The following KLHL29 variants were observed in gnomAD, a reference collection of about 807,000 sequenced individuals.
KLHL29 encodes the protein kelch-like protein 29.
In KLHL29, 21 loss-of-function variants were observed where a neutral mutation model predicts 80.4. That is an observed-to-expected ratio of 0.26 (90% CI 0.19 to 0.38). The LOEUF (loss-of-function observed/expected upper bound fraction) is 0.38, where lower values mean the gene tolerates loss of function less well. Ranked by LOEUF, KLHL29 falls within the 10% of genes least tolerant of loss-of-function variation. KLHL29 has a pLI of 1.00. For synonymous variants in KLHL29, 511 were observed against 526.8 expected, an observed-to-expected ratio of 0.97 and a Z score of 0.41; for missense variants, 867 against 1,223.9, an observed-to-expected ratio of 0.71 and a Z score of 4.35.
At chr2:23,567,625 G>A (rs968661740) in intron 3 of KLHL29, among the ~76,000 whole-genome samples, 1 of 152,220 alleles carries the variant, frequency 6.6e-6, no homozygotes, top group African/African-American at 2.4e-5. Flanking sequence ...TGGGATTTCC[G>A]TGGGGATCAT....
At chr2:23,497,691 C>T (rs913140685) in intron 2 of KLHL29, among the ~76,000 whole-genome samples, 2 of 152,174 alleles carry the variant, frequency 1.3e-5, no homozygotes, top group African/African-American at 4.8e-5. Context: ...GGAATATAGC[C>T]TTAAGCTCTT....
chr2:23,627,910 C>CT lies in KLHL29; in HGVS notation c.286-11215dup, dbSNP rs10624746. 3.6e-4 allele frequency among the ~76,000 whole-genome samples: 43 copies of CT among 120,662 alleles called. 1 individual carries two copies. The highest frequency in any genetic ancestry group is 4.2e-4 in the Non-Finnish European group (26 of 61,536). The allele number at this position is 120,662 out of a possible 152,430, so 79.2% of individuals were successfully genotyped here. A position where few individuals can be genotyped will look rare whatever the true frequency, so the allele number is the denominator to read the frequency against. ...GACTAGAAAGGAGGAGGCCAGGAGT[C>CT]TTTTTTTTTTTTTTGAGATGGAGTC... On this transcript the variant is annotated intron_variant, in intron 3 of 13. Coordinates refer to ENST00000486442, the MANE Select transcript of KLHL29 (RefSeq NM_052920.2).
At chr2:23,408,989 G>C (rs930229029) in intron 1 of KLHL29, among the ~76,000 whole-genome samples, 1 of 152,098 alleles carries the variant, frequency 6.6e-6, no homozygotes. Flanking sequence ...CTGCCTTGTT[G>C]GGGGGTGTGT....
chr2:23,597,305 ATATATGTGTG>A (rs1668435077), intron 3 of KLHL29, among the ~76,000 whole-genome samples: 4 of 97,610 alleles, frequency 4.1e-5, no homozygotes, highest in Non-Finnish European at 5.8e-5. Context: ...TCATATATAT[ATATATGTGTG>A]TGTGTGTGTG....
intron 2 of KLHL29, among the ~76,000 whole-genome samples, chr2:23,505,740 G>A (rs903356789): frequency 3.9e-5 from 6 of 152,360 alleles, no homozygotes; most frequent in Non-Finnish European, 8.8e-5. Flanking sequence ...GAAGGAACAT[G>A]CTCAAAAGGC....
intron 1 of KLHL29, among the ~76,000 whole-genome samples, chr2:23,450,113 G>A (rs939057027): frequency 1.1e-4 from 16 of 152,014 alleles, no homozygotes; most frequent in South Asian, 8.3e-4. Context: ...GACAAATACC[G>A]GGGAAAACAA....
chr2:23,695,913 A>G lies in KLHL29; in HGVS notation c.1742-38A>G, dbSNP rs1323214295. On this transcript the variant is annotated intron_variant, in intron 9 of 13. Coordinates refer to ENST00000486442, the MANE Select transcript of KLHL29 (RefSeq NM_052920.2). The surrounding 1 kb of genome is among the most constrained non-coding windows in gnomAD (Gnocchi z 7.6). ...GCCAGGCACAGATGCCGACAGTCTT[A>G]GAGTGTGTCCCAAGGGCGCCCATCC... 1.9e-6 allele frequency: 3 copies of G among 1,545,466 alleles called. No homozygotes were observed. The highest frequency in any genetic ancestry group is 2.0e-5 in the Admixed American group (1 of 50,786).
chr2:23,475,935 A>C (rs1489884505), intron 2 of KLHL29, among the ~76,000 whole-genome samples: 2 of 152,248 alleles, frequency 1.3e-5, no homozygotes, highest in African/African-American at 2.4e-5. Flanking sequence ...GCTGGAGCGC[A>C]GTGGCGCAAT....
At chr2:23,406,342 A>G (rs1216303680) in intron 1 of KLHL29, among the ~76,000 whole-genome samples, 3 of 143,022 alleles carry the variant, frequency 2.1e-5, no homozygotes, top group East Asian at 4.0e-4. Context: ...AAAAAAAAAA[A>G]AGAAAAGAAA....
chr2:23,684,466 A>C lies in KLHL29; in HGVS notation c.1008A>C (p.Glu336Asp). Residue 336 changes from glutamate to aspartate, a missense_variant, in exon 6 of 14, where the codon GAA becomes GAC. Transcript: ENST00000486442. The surrounding 1 kb of genome is among the most constrained non-coding windows in gnomAD (Gnocchi z 4.4). ...KAFTDLKIVV[E>D]GREFEVHQNV... ...TTACAGACCTGAAAATTGTTGTTGA[A>C]GGCAGAGAGTTTGAAGTCCACCAAA... 1 of 1,551,004 alleles carries C rather than the reference A, an allele frequency of 6.4e-7. No individual in the cohort carries two copies. Among genetic ancestry groups the C allele is most frequent in the Non-Finnish European group, 8.7e-7 (1 of 1,146,738 alleles).
chr2:23,403,384 T>G (rs1233237407), intron 1 of KLHL29, among the ~76,000 whole-genome samples: 1 of 152,162 alleles, frequency 6.6e-6, no homozygotes, highest in Non-Finnish European at 1.5e-5. Context: ...TAATCCCATA[T>G]AAAAATGTCC....
chr2:23,641,742 G>T (rs566136302), intron 4 of KLHL29, among the ~76,000 whole-genome samples: 9 of 152,330 alleles, frequency 5.9e-5, no homozygotes, highest in African/African-American at 2.2e-4. Context: ...CCAGCACTTT[G>T]GGAAGCTGAG....
chr2:23,500,272 C>T (rs184624321), intron 2 of KLHL29, among the ~76,000 whole-genome samples: 2 of 152,256 alleles, frequency 1.3e-5, no homozygotes, highest in East Asian at 1.9e-4. Context: ...GACTTGACTG[C>T]GCCTTGAGAT....
At chr2:23,643,037 G>C in intron 5 of KLHL29, 187 bp downstream of exon 5, 1 of 761,858 alleles carries the variant, frequency 1.3e-6, no homozygotes, top group Non-Finnish European at 2.3e-6. Flanking sequence ...GGAGGGGGAA[G>C]GTGTGGAGGG....
intron 5 of KLHL29, among the ~76,000 whole-genome samples, chr2:23,679,616 A>G (rs1489076209): frequency 6.6e-6 from 1 of 152,210 alleles, no homozygotes; most frequent in Non-Finnish European, 1.5e-5. Context: ...CACCAGATAT[A>G]TATATATGTA....
intron 5 of KLHL29, among the ~76,000 whole-genome samples, chr2:23,656,465 G>A (rs1326935258): frequency 6.6e-6 from 1 of 152,224 alleles, no homozygotes; most frequent in East Asian, 1.9e-4. Flanking sequence ...TTGCTGCCAC[G>A]CAGAGTCAGA....
At chr2:23,677,093 C>T (rs962390858) in intron 5 of KLHL29, among the ~76,000 whole-genome samples, 2 of 152,102 alleles carry the variant, frequency 1.3e-5, no homozygotes, top group African/African-American at 4.8e-5. Flanking sequence ...ATGATGATTT[C>T]AAAAAATGTT....
chr2:23,408,735 GT>G (rs771866123), intron 1 of KLHL29, among the ~76,000 whole-genome samples: 9 of 152,240 alleles, frequency 5.9e-5, no homozygotes, highest in Non-Finnish European at 1.3e-4. Flanking sequence ...ACCCAGGGAT[GT>G]CTGGGAGAGC....
chr2:23,529,367 A>G (rs1424419986), intron 2 of KLHL29, among the ~76,000 whole-genome samples: 1 of 152,196 alleles, frequency 6.6e-6, no homozygotes. Context: ...CTCCCGCCTC[A>G]GCCTCCCAAG....
Sources: gnomAD v4.1 joint callset for allele counts (sites outside exome capture counted in the v4.1 genomes callset) on GRCh38, gnomAD v4.1.1 for gene constraint, Gnocchi (gnomAD v3.1) non-coding constraint, MANE v1.5 for transcripts, NCBI Gene and HGNC (gene_info 2026-07-23, HGNC 2026-07-21) for gene names.